Variants in KLC2 observed in about 807,000 individuals in gnomAD.
KLC2 encodes KLC 2.
Under a neutral mutation model 75.1 loss-of-function variants are expected in KLC2, and 35 were observed. The ratio of observed to expected loss-of-function variants is 0.47; its 90% CI spans 0.36 to 0.62. KLC2 has a LOEUF of 0.62. Among genes scored for constraint, KLC2 ranks in the 20% least tolerant of loss-of-function variants. The pLI is 0.00. For synonymous variants in KLC2, 314 were observed against 336.7 expected, an observed-to-expected ratio of 0.93 and a Z score of 0.74; for missense variants, 611 against 833.2, an observed-to-expected ratio of 0.73 and a Z score of 3.28.
intron 11 of KLC2, 185 bp from the exon 12 acceptor site, chr11:66,265,470 C>T (rs1323623075): frequency 1.5e-6 from 1 of 676,632 alleles, no homozygotes; most frequent in Non-Finnish European, 2.5e-6. Flanking sequence ...GCCAGGTCCC[C>T]AGCCCTGGGG....
Position 66,262,866 on chromosome 11 carries a change from C to T in KLC2, c.582C>T (p.Ile194=), listed in dbSNP as rs1323864645. 2 of 1,613,640 alleles carry T rather than the reference C, an allele frequency of 1.2e-6. No individual in the cohort carries two copies. Among genetic ancestry groups the T allele is most frequent in the African/African-American group, 2.7e-5 (2 of 74,824 alleles). ...DVSGQHGGYE[I]PARLRTLHNL... ...CTGGTCAGCATGGGGGCTACGAGAT[C>T]CCGGCCCGGCTCCGCACCCTGCACA... The change falls in exon 5 of 16, where the codon ATC becomes ATT. Residue 194 remains isoleucine, a synonymous_variant. Transcript: ENST00000394067.
At position 66,263,177 on chromosome 11, in the gene KLC2, T is replaced by A. The variant is rs1041997016; in HGVS notation, c.752+141T>A. On this transcript the variant is annotated intron_variant, in intron 5 of 15. Coordinates refer to ENST00000394067, the MANE Select transcript of KLC2 (RefSeq NM_001318734.2). ...CAGATGCAAGTAAAACTGTCTAGTG[T>A]AAGAGAGAGGCTTGGCCAGAACTGG... 7 of 641,260 alleles carry A rather than the reference T, an allele frequency of 1.1e-5. No individual in the cohort carries two copies. In the East Asian group the frequency reaches 1.6e-4, roughly 15 times the overall value. The allele number at this position is 641,260 out of a possible 1,614,324, so 39.7% of individuals were successfully genotyped here. A position where few individuals can be genotyped will look rare whatever the true frequency, so the allele number is the denominator to read the frequency against.
chr11:66,253,005 C>CTTTT (rs34358719), upstream of KLC2, among the ~76,000 whole-genome samples: 6 of 122,910 alleles, frequency 4.9e-5, no homozygotes, highest in Non-Finnish European at 6.8e-5. Flanking sequence ...AATGTGCTGA[C>CTTTT]TTTTTTTTTT....
chr11:66,259,048 C>T (rs1171369700), intron 2 of KLC2, among the ~76,000 whole-genome samples: 1 of 152,160 alleles, frequency 6.6e-6, no homozygotes, highest in Non-Finnish European at 1.5e-5. Context: ...GCCCCATTTC[C>T]GGCTCCCCTC....
Position 66,265,174 on chromosome 11 carries a change from C to G in KLC2, c.1273C>G (p.Arg425Gly), listed in dbSNP as rs1167051146. The change falls in exon 11 of 16, where the codon CGC becomes GGC. Residue 425 changes from arginine to glycine, a missense_variant. Transcript: ENST00000394067. The stretch of plus-strand genomic sequence containing the variant: ...TGACCATTCTTTCCTCCAGGATAAG[C>G]GCCGGGACAGCGCCCCCTATGGGGA... ...AEEREESKDK[R>G]RDSAPYGEYG... The G allele has an allele frequency of 6.2e-7, 1 of 1,600,784 alleles. No individual in the cohort carries two copies.
chr11:66,254,541 T>C (rs781115952), upstream of KLC2, among the ~76,000 whole-genome samples: 43 of 151,880 alleles, frequency 2.8e-4, no homozygotes, highest in Middle Eastern at 3.4e-3. Flanking sequence ...AGCACCTGCC[T>C]GTAGTCCCAG....
At chr11:66,258,433 C>G in intron 1 of KLC2, 151 bp from the exon 2 acceptor site, 1 of 606,814 alleles carries the variant, frequency 1.6e-6, no homozygotes, top group South Asian at 1.9e-5. Context: ...CCTCTGTAGG[C>G]CAAGCGCGGG....
chr11:66,258,924 GT>G, intron 2 of KLC2, 102 bp downstream of exon 2: 1 of 796,026 alleles, frequency 1.3e-6, no homozygotes. Context: ...GGAACCGTCT[GT>G]TTCCTGGAGC....
chr11:66,264,489 C>T (rs765588202), intron 9 of KLC2, 45 bp downstream of exon 9: 1 of 1,361,470 alleles, frequency 7.3e-7, no homozygotes, highest in Non-Finnish European at 1.0e-6. Context: ...CCATCCCAGG[C>T]CCACTCTGCC....
chr11:66,263,531 T>A (rs1856585565), intron 5 of KLC2, 129 bp from the exon 6 acceptor site: 1 of 653,952 alleles, frequency 1.5e-6, no homozygotes, highest in Non-Finnish European at 2.7e-6. Flanking sequence ...TGAGCAGGTC[T>A]CCCCACACTC....
upstream of KLC2, among the ~76,000 whole-genome samples, chr11:66,253,005 CTTTTTT>C (rs34358719): frequency 2.4e-5 from 3 of 122,910 alleles, no homozygotes; most frequent in African/African-American, 9.1e-5. Context: ...AATGTGCTGA[CTTTTTT>C]TTTTTTTTTT....
At chr11:66,245,228 C>T in the KLC2 span, 1 of 152,196 alleles carries the variant, frequency 6.6e-6, no homozygotes, top group Non-Finnish European at 1.5e-5. Context: ...CCGGTTTTTC[C>T]ACTAGCTTCC....
At chr11:66,262,310 GT>G (rs1423352775) in intron 4 of KLC2, 118 bp downstream of exon 4, 2 of 773,390 alleles carry the variant, frequency 2.6e-6, no homozygotes, top group Non-Finnish European at 4.4e-6. Context: ...ATCCTAGTGT[GT>G]TAGAGCTTCA....
intron 11 of KLC2, 145 bp from the exon 12 acceptor site, chr11:66,265,510 G>T (rs965901290): frequency 2.7e-5 from 20 of 736,980 alleles, no homozygotes; most frequent in Non-Finnish European, 4.5e-5. Flanking sequence ...GAGGCTGGGT[G>T]GGCCCAGCAC....
At chr11:66,252,636 G>A (rs1855973801), upstream of KLC2, among the ~76,000 whole-genome samples, 1 of 152,208 alleles carries the variant, frequency 6.6e-6, no homozygotes, top group Non-Finnish European at 1.5e-5. Flanking sequence ...TTACAGATGA[G>A]GAAGCAGGTA....
At chr11:66,262,653 A>G (rs560378082) in intron 4 of KLC2, 161 bp from the exon 5 acceptor site, 46 of 607,082 alleles carry the variant, frequency 7.6e-5, no homozygotes, top group South Asian at 7.0e-4. Flanking sequence ...CCCTCTTTCT[A>G]TGGGGTAACT....
At position 66,266,856 on chromosome 11, in the gene KLC2, GC is replaced by G. The variant is rs753642578; in HGVS notation, c.1786-12del. 1 of 1,611,934 alleles carries G rather than the reference GC, an allele frequency of 6.2e-7. No homozygotes were observed. The highest frequency in any genetic ancestry group is 1.3e-5 in the African/African-American group (1 of 74,884). The stretch of plus-strand genomic sequence containing the variant: ...GCAGCAGCACAGGGCTGAGCCACCT[GC>G]CCCCTCTGCCCACAGCCTGGAGGCA... On this transcript the variant is annotated splice_polypyrimidine_tract_variant and intron_variant, in intron 15 of 15. Transcript: ENST00000394067.
intron 2 of KLC2, 95 bp from the exon 3 acceptor site, chr11:66,261,647 C>A: frequency 1.4e-6 from 1 of 735,782 alleles, no homozygotes; most frequent in Non-Finnish European, 2.3e-6. Context: ...CAGGCCTGGC[C>A]CTTCACTGGG....
chr11:66,257,572 G>A (rs1366612950), upstream of KLC2: 1 of 152,154 alleles, frequency 6.6e-6, no homozygotes, highest in Non-Finnish European at 1.5e-5. Context: ...CTCGGGGCTG[G>A]CGGGCCCTGG....
Sources: allele counts gnomAD v4.1 joint callset (sites outside exome capture counted in the v4.1 genomes callset), GRCh38; gene constraint gnomAD v4.1.1; transcripts MANE v1.5; gene names NCBI Gene and HGNC (gene_info 2026-07-23, HGNC 2026-07-21).